Variants in ST6GAL1 observed in about 807,000 individuals in gnomAD.
The protein encoded by ST6GAL1 is ST6 beta-galactoside alpha-2,6-sialyltransferase 1, also known as beta-galactoside alpha-2,6-sialyltransferase 1.
Under a neutral mutation model 38.0 loss-of-function variants are expected in ST6GAL1, and 20 were observed. That is an observed-to-expected ratio of 0.53 (90% CI 0.37 to 0.77). The LOEUF (loss-of-function observed/expected upper bound fraction) is 0.77. Among genes scored for constraint, ST6GAL1 ranks in the 30% least tolerant of loss-of-function variants. The pLI, the probability that ST6GAL1 is intolerant of heterozygous loss-of-function variation, is 0.00. For synonymous variants in ST6GAL1, 196 were observed against 188.2 expected, an observed-to-expected ratio of 1.04 and a Z score of -0.34; for missense variants, 432 against 496.4, an observed-to-expected ratio of 0.87 and a Z score of 1.23.
intron 1 of ST6GAL1, among the ~76,000 whole-genome samples, chr3:186,954,834 A>C (rs1714695851): frequency 6.6e-6 from 1 of 152,130 alleles, no homozygotes; most frequent in South Asian, 2.1e-4. Flanking sequence ...CTTTAGTTTA[A>C]TCAGATCCCA....
At chr3:187,001,304 G>A (rs1338611765) in intron 2 of ST6GAL1, among the ~76,000 whole-genome samples, 1 of 152,238 alleles carries the variant, frequency 6.6e-6, no homozygotes, top group Non-Finnish European at 1.5e-5. Context: ...AGAGGGATGT[G>A]TGACTTTGGA....
intron 2 of ST6GAL1, among the ~76,000 whole-genome samples, chr3:187,020,642 CTT>C (rs1717265734): frequency 6.6e-6 from 1 of 152,234 alleles, no homozygotes; most frequent in South Asian, 2.1e-4. Context: ...TTGCAACCCT[CTT>C]TTCTCAGAAA....
chr3:187,062,459 A>C (rs1718951477), intron 5 of ST6GAL1, among the ~76,000 whole-genome samples: 1 of 152,164 alleles, frequency 6.6e-6, no homozygotes, highest in Non-Finnish European at 1.5e-5. Context: ...GAATGGATAC[A>C]CAAAAGCTGG....
At chr3:186,993,243 C>T in intron 2 of ST6GAL1, among the ~76,000 whole-genome samples, 1 of 152,206 alleles carries the variant, frequency 6.6e-6, no homozygotes, top group East Asian at 1.9e-4. Context: ...GTTTGGTGGC[C>T]CTTGGGCTGA....
intron 2 of ST6GAL1, among the ~76,000 whole-genome samples, chr3:186,989,919 C>T (rs868089186): frequency 6.6e-6 from 1 of 152,200 alleles, no homozygotes; most frequent in South Asian, 2.1e-4. Context: ...CACAGGAACC[C>T]TTCCTTATCC....
In ST6GAL1 at chr3:187,043,288, C is replaced by A. The variant is rs780581711; in HGVS notation, c.585C>A (p.Ser195=). Residue 195 remains serine, a synonymous_variant, in exon 4 of 8, where the codon TCC becomes TCA. Coordinates refer to ENST00000169298, the MANE Select transcript of ST6GAL1 (RefSeq NM_173216.2). ...AVVSSAGSLK[S]SQLGREIDDH... Reference sequence around the variant, plus strand: ...TGTCGTCAGCGGGATCTCTGAAGTCCTCCCAACTAGGCAGAGAAATCGGTA... The same window carrying A: ...TGTCGTCAGCGGGATCTCTGAAGTCATCCCAACTAGGCAGAGAAATCGGTA... 1.2e-6 allele frequency: 2 copies of A among 1,613,728 alleles called. No homozygotes were observed. The highest frequency in any genetic ancestry group is 1.3e-5 in the African/African-American group (1 of 74,924).
chr3:186,937,840 A>T (rs534702978), intron 1 of ST6GAL1, among the ~76,000 whole-genome samples: 1 of 152,308 alleles, frequency 6.6e-6, no homozygotes, highest in East Asian at 1.9e-4. Flanking sequence ...TGGGAGGCTG[A>T]TGCAGGCAGA....
chr3:186,980,703 A>C (rs1254525719), intron 2 of ST6GAL1, among the ~76,000 whole-genome samples: 1 of 146,690 alleles, frequency 6.8e-6, no homozygotes, highest in African/African-American at 2.5e-5. Context: ...TGAACCTGGG[A>C]GGTGGAGGTT....
intron 2 of ST6GAL1, among the ~76,000 whole-genome samples, chr3:187,037,251 A>G (rs1646239641): frequency 6.6e-6 from 1 of 152,212 alleles, no homozygotes; most frequent in South Asian, 2.1e-4. Context: ...CTGCGGACGA[A>G]TGTAAATTCT....
chr3:186,944,508 A>G (rs1714289097), intron 1 of ST6GAL1, among the ~76,000 whole-genome samples: 1 of 152,154 alleles, frequency 6.6e-6, no homozygotes, highest in African/African-American at 2.4e-5. Flanking sequence ...CAAAATCAAG[A>G]TTATTGAAAA....
rs141435171 is a variant in ST6GAL1 at position 186,986,063 on chromosome 3, C to T, written c.-183+22137C>T. Among the ~76,000 whole-genome samples the T allele has an allele frequency of 1.1e-3, 170 of 152,192 alleles. 1 individual carries two copies. The highest frequency in any genetic ancestry group is 3.9e-3 in the African/African-American group (160 of 41,524). ...GCAGTTTCAGTGGAATGATGTGAACCGACTTCAGTTATTTGAGGAACCAGT... is the reference window on the plus strand; with the variant it reads ...GCAGTTTCAGTGGAATGATGTGAACTGACTTCAGTTATTTGAGGAACCAGT... On this transcript the variant is annotated intron_variant, in intron 2 of 7. Transcript: ENST00000169298.
At chr3:186,949,463 G>A (rs568407407) in intron 1 of ST6GAL1, among the ~76,000 whole-genome samples, 40 of 152,256 alleles carry the variant, frequency 2.6e-4, no homozygotes, top group African/African-American at 7.5e-4. Context: ...GGCTTGTGAC[G>A]GCTCCTTTTT....
intron 2 of ST6GAL1, among the ~76,000 whole-genome samples, chr3:186,987,340 C>T (rs1015227087): frequency 3.3e-5 from 5 of 152,158 alleles, no homozygotes; most frequent in Admixed American, 3.3e-4. Flanking sequence ...ACCTTACCAC[C>T]TTCCTTATCC....
chr3:187,000,113 TCATGGTGCCCAGCCAAGATA>T (rs1392768888), intron 2 of ST6GAL1, among the ~76,000 whole-genome samples: 1 of 152,104 alleles, frequency 6.6e-6, no homozygotes, highest in Non-Finnish European at 1.5e-5. Flanking sequence ...TAAGCATGAG[TCATGGTGCCCAGCCAAGATA>T]CATTTTTAAA....
chr3:187,018,560 T>C (rs1717193508), intron 2 of ST6GAL1, among the ~76,000 whole-genome samples: 2 of 152,156 alleles, frequency 1.3e-5, no homozygotes, highest in African/African-American at 2.4e-5. Context: ...GAGAAAGATG[T>C]AGGCTGGAAG....
At chr3:186,959,852 C>T (rs1463382593) in intron 1 of ST6GAL1, among the ~76,000 whole-genome samples, 1 of 152,202 alleles carries the variant, frequency 6.6e-6, no homozygotes, top group Non-Finnish European at 1.5e-5. Context: ...AACCATTGCT[C>T]ACATCTCAGA....
rs1719520133 is a variant in ST6GAL1, at chr3:187,075,220, T to C, written c.980-342T>C. 6.6e-6 allele frequency among the ~76,000 whole-genome samples: 1 copy of C among 152,228 alleles called. No individual in the cohort carries two copies. The highest frequency in any genetic ancestry group is 2.4e-5 in the African/African-American group (1 of 41,456). On this transcript the variant is annotated intron_variant, in intron 7 of 7. Coordinates refer to ENST00000169298, the MANE Select transcript of ST6GAL1 (RefSeq NM_173216.2). The surrounding 1 kb of genome is among the most constrained non-coding windows in gnomAD (Gnocchi z 4.1). ...ACTGTCTCCTCAATCAGCTCAGTAA[T>C]CTTGTCCTCTTTCTCCAAATAAATT...
intron 1 of ST6GAL1, among the ~76,000 whole-genome samples, chr3:186,954,933 A>G (rs182524606): frequency 6.6e-6 from 1 of 152,266 alleles, no homozygotes; most frequent in African/African-American, 2.4e-5. Flanking sequence ...GGTATTGCCT[A>G]CATTTTCTTC....
intron 2 of ST6GAL1, among the ~76,000 whole-genome samples, chr3:187,033,404 A>G (rs945992267): frequency 2.0e-5 from 3 of 152,180 alleles, no homozygotes; most frequent in Admixed American, 2.0e-4. Flanking sequence ...GAGAGACACC[A>G]TCTCAAAAAC....
Sources: allele counts gnomAD v4.1 joint callset (sites outside exome capture counted in the v4.1 genomes callset), GRCh38; gene constraint gnomAD v4.1.1; non-coding constraint Gnocchi (gnomAD v3.1); transcripts MANE v1.5; gene names NCBI Gene and HGNC (gene_info 2026-07-23, HGNC 2026-07-21).